CD36: variants seen among roughly 807,000 people sequenced by gnomAD.
CD36 encodes CD36 molecule (CD36 blood group), also known as platelet glycoprotein 4.
Under a neutral mutation model 55.2 loss-of-function variants are expected in CD36, and 119 were observed. The observed-to-expected ratio is 2.15, with a 90% CI of 1.86 to 2.51. The LOEUF (loss-of-function observed/expected upper bound fraction) is 2.51, where lower values mean the gene tolerates loss of function less well. Among genes scored for constraint, CD36 ranks in the 30% most tolerant of loss-of-function variants. The pLI is 0.00. For missense variants in CD36, 819 were observed against 555.5 expected (o/e 1.47, Z -4.77); for synonymous variants, 186 against 193.6 (o/e 0.96, Z 0.33).
At chr7:80,655,106 C>A (rs1795949097) in intron 3 of CD36, among the ~76,000 whole-genome samples, 1 of 152,110 alleles carries the variant, frequency 6.6e-6, no homozygotes, top group African/African-American at 2.4e-5. Flanking sequence ...GTCAAGGAAA[C>A]AAATAGGTCA....
chr7:80,630,138 AAGT>A (rs1478012526), intron 1 of CD36, among the ~76,000 whole-genome samples: 9 of 152,028 alleles, frequency 5.9e-5, no homozygotes, highest in Non-Finnish European at 2.9e-5. Flanking sequence ...TTAAGAGACT[AAGT>A]AGCAGAATAA....
At chr7:80,673,320 T>A (rs994424819) in intron 12 of CD36, 35 bp from the exon 13 acceptor site, 1 of 947,634 alleles carries the variant, frequency 1.1e-6, no homozygotes, top group Non-Finnish European at 1.7e-6. Context: ...AATATTAGTT[T>A]ATATGTTCAT....
chr7:80,661,741 GA>G (rs1203047976), intron 5 of CD36, among the ~76,000 whole-genome samples: 1 of 151,956 alleles, frequency 6.6e-6, no homozygotes, highest in African/African-American at 2.4e-5. Context: ...AAAATGGGGA[GA>G]AAAAAAGAGT....
chr7:80,656,714 C>T lies in CD36; in HGVS notation c.281+14C>T. ...TTATACGTACAGGTGAGTGAGTCCCCACAAATATGAGACACTCTTACCTTG... is the reference window on the plus strand; with the variant it reads ...TTATACGTACAGGTGAGTGAGTCCCTACAAATATGAGACACTCTTACCTTG... On this transcript the variant is annotated intron_variant, in intron 4 of 14. Transcript: ENST00000447544. 6.2e-7 allele frequency: 1 copy of T among 1,609,336 alleles called. No individual in the cohort carries two copies. Among genetic ancestry groups the T allele is most frequent in the Non-Finnish European group, 8.5e-7 (1 of 1,176,002 alleles).
chr7:80,618,712 C>T (rs998482879), intron 1 of CD36, among the ~76,000 whole-genome samples: 16 of 152,060 alleles, frequency 1.1e-4, no homozygotes, highest in Admixed American at 5.9e-4. Flanking sequence ...TTACTCACTT[C>T]GATTCTGTGA....
intron 1 of CD36, among the ~76,000 whole-genome samples, chr7:80,641,722 A>C (rs1794828932): frequency 6.6e-6 from 1 of 152,044 alleles, no homozygotes; most frequent in South Asian, 2.1e-4. Context: ...TTCTGGGTGG[A>C]GTTTCCAAGG....
Position 80,670,151 on chromosome 7 carries a change from C to T in CD36, c.818+129C>T, listed in dbSNP as rs1797518001. The T allele has an allele frequency of 4.3e-6, 3 of 695,440 alleles. No individual in the cohort carries two copies. In the East Asian group the frequency reaches 7.7e-5, roughly 18 times the overall value. 43.1% of individuals were successfully genotyped at this position (695,440 alleles called of 1,614,324 possible). A position where few individuals can be genotyped will look rare whatever the true frequency, so the allele number is the denominator to read the frequency against. ...AACTAACTCTTTGCAAAATGTTCTT[C>T]TGCATCTTCCAATTTTTAATAGTAC... is the stretch of plus-strand genomic sequence containing the variant. On this transcript the variant is annotated intron_variant, in intron 9 of 14. Transcript: ENST00000447544.
chr7:80,648,268 A>T (rs1051433971), intron 3 of CD36, among the ~76,000 whole-genome samples: 2 of 152,154 alleles, frequency 1.3e-5, no homozygotes, highest in Non-Finnish European at 2.9e-5. Flanking sequence ...CCCAGATCTT[A>T]TGCAGAGAAA....
At chr7:80,609,449 C>T (rs1178625435) in intron 1 of CD36, among the ~76,000 whole-genome samples, 3 of 152,154 alleles carry the variant, frequency 2.0e-5, no homozygotes, top group Non-Finnish European at 4.4e-5. Flanking sequence ...CCTCACCATT[C>T]ACTCTTCCTA....
chr7:80,673,020 T>C (rs1372851183), intron 12 of CD36, 177 bp downstream of exon 12: 4 of 593,458 alleles, frequency 6.7e-6, no homozygotes, highest in East Asian at 2.8e-5. Context: ...GATTTTGGAA[T>C]GGTTTTATGG....
intron 1 of CD36, among the ~76,000 whole-genome samples, chr7:80,609,056 C>T (rs189941595): frequency 1.8e-4 from 27 of 152,158 alleles, no homozygotes; most frequent in East Asian, 1.5e-3. Context: ...TTTTGTCATG[C>T]GCTCCTTCTC....
At chr7:80,664,033 G>T (rs1796783955) in intron 6 of CD36, among the ~76,000 whole-genome samples, 1 of 151,934 alleles carries the variant, frequency 6.6e-6, no homozygotes, top group Admixed American at 6.6e-5. Flanking sequence ...TATCATTTTA[G>T]TAACCACTTA....
chr7:80,673,392 A>C lies in CD36; in HGVS notation c.1237A>C (p.Ile413Leu), dbSNP rs121918035. 20 of 1,569,976 alleles carry C rather than the reference A, an allele frequency of 1.3e-5. No individual in the cohort carries two copies. The Middle Eastern group carries it at 6.7e-4, about 53-fold the overall frequency. The change falls in exon 13 of 15, where the codon ATT (isoleucine) becomes CTT (leucine). Residue 413 changes from isoleucine (I) to leucine (L), a missense_variant. Physicochemically the swap from Ile to Leu is conservative, Grantham distance 5. Coordinates refer to ENST00000447544, the MANE Select transcript of CD36 (RefSeq NM_001001548.3). ...TCTGAAGAGGAACTATATTGTGCCT[A>C]TTCTTTGGCTTAATGAGGTTTGTAT... ...KNLKRNYIVP[I>L]LWLNETGTIG... is the part of the protein sequence containing the mutation.
chr7:80,671,020 A>ATCCCTGTGTATAGATT lies in CD36; in HGVS notation c.864_879dup (p.Val294ProfsTer4), dbSNP rs1356475716. Reference sequence around the variant, plus strand: ...TGAATCCGACGTTAATCTGAAAGGAATCCCTGTGTATAGATTTGTTCTTCC... The same window carrying ATCCCTGTGTATAGATT: ...TGAATCCGACGTTAATCTGAAAGGAATCCCTGTGTATAGATTTCCCTGTGTATAGATTTGTTCTTCC... On this transcript the variant is annotated frameshift_variant, in exon 10 of 15. Coordinates refer to ENST00000447544, the MANE Select transcript of CD36 (RefSeq NM_001001548.3). LOFTEE classifies it high-confidence loss of function. 3 of 1,613,294 alleles carry ATCCCTGTGTATAGATT rather than the reference A, an allele frequency of 1.9e-6. No homozygotes were observed. The African/African-American group carries it at 4.0e-5, about 22-fold the overall frequency.
chr7:80,657,942 C>T (rs966702401), intron 4 of CD36, among the ~76,000 whole-genome samples: 1 of 152,000 alleles, frequency 6.6e-6, no homozygotes, highest in African/African-American at 2.4e-5. Context: ...TCCTTCTTCC[C>T]CAAAGCATTA....
rs912395465 is a variant in CD36 at position 80,626,496 on chromosome 7, A to G, written c.-183-19592A>G. 6.6e-5 allele frequency among the ~76,000 whole-genome samples: 10 copies of G among 152,248 alleles called. No homozygotes were observed. The East Asian group carries it at 1.2e-3, about 18-fold the overall frequency. On this transcript the variant is annotated intron_variant, in intron 1 of 13. Transcript: ENST00000309881. ...ATTTAAAGCATGAGAAAACAAAACT[A>G]GTACAGTCTATTATCTATGTGCCAA...
upstream of CD36, chr7:80,637,075 T>C (rs1035279472): frequency 6.6e-6 from 1 of 152,110 alleles, no homozygotes; most frequent in African/African-American, 2.4e-5. Context: ...CTAATTGCGA[T>C]CATATTTTCA....
At chr7:80,663,945 T>C (rs1796768129) in intron 6 of CD36, among the ~76,000 whole-genome samples, 1 of 151,468 alleles carries the variant, frequency 6.6e-6, no homozygotes, top group South Asian at 2.1e-4. Flanking sequence ...TGATTTTAAC[T>C]CAATACTCAT....
At chr7:80,664,271 T>TA (rs113586414) in intron 6 of CD36, 135 bp from the exon 7 acceptor site, 22,869 of 629,550 alleles carry the variant, frequency 0.036, 1,319 homozygotes, top group African/African-American at 0.2. Flanking sequence ...GCCAATAATT[T>TA]AAAAAAATGT....
Sources: gnomAD v4.1 joint callset for allele counts (sites outside exome capture counted in the v4.1 genomes callset) on GRCh38, gnomAD v4.1.1 for gene constraint, MANE v1.5 for transcripts, NCBI Gene and HGNC (gene_info 2026-07-23, HGNC 2026-07-21) for gene names.